The following DPP10 variants were observed in gnomAD, a reference collection of about 807,000 sequenced individuals.
DPP10 encodes inactive dipeptidyl peptidase 10.
A neutral mutation model predicts 120.9 loss-of-function variants in DPP10; 33 were observed. That is an observed-to-expected ratio of 0.27 (90% confidence interval 0.21 to 0.37). The LOEUF is 0.37. DPP10 is among the 10% of genes least tolerant of loss of function. DPP10 has a pLI of 1.00. For synonymous variants in DPP10, 337 were observed against 326.1 expected (o/e 1.03, Z -0.36); for missense variants, 816 against 942.8 (o/e 0.87, Z 1.76).
At chr2:115,642,243 G>A (rs548481124) in intron 5 of DPP10, among the ~76,000 whole-genome samples, 25 of 151,750 alleles carry the variant, frequency 1.6e-4, no homozygotes, top group African/African-American at 5.8e-4. Flanking sequence ...AGTTTTGCTA[G>A]CTACAGTGCC....
intron 1 of DPP10, among the ~76,000 whole-genome samples, chr2:115,261,812 A>G (rs990171099): frequency 1.3e-5 from 2 of 152,204 alleles, no homozygotes; most frequent in Admixed American, 6.5e-5. Flanking sequence ...GTTTAGTTAT[A>G]TTATTGCAAC....
intron 1 of DPP10, among the ~76,000 whole-genome samples, chr2:114,912,846 G>C (rs1319260432): frequency 6.6e-6 from 1 of 152,180 alleles, no homozygotes; most frequent in Non-Finnish European, 1.5e-5. Context: ...CCAGAGAGTT[G>C]ATGGAGACAG....
chr2:115,367,673 CTT>C (rs1471356121), intron 3 of DPP10, among the ~76,000 whole-genome samples: 1 of 151,978 alleles, frequency 6.6e-6, no homozygotes, highest in Non-Finnish European at 1.5e-5. Flanking sequence ...TCAAGGCAGT[CTT>C]TTGTTTCAGA....
At chr2:114,442,863 T>A in intron 1 of DPP10, 25 bp downstream of exon 1, 1 of 1,612,824 alleles carries the variant, frequency 6.2e-7, no homozygotes, top group South Asian at 1.1e-5. Context: ...TTCCCTCTGC[T>A]TCTGCACATG....
chr2:114,647,224 C>T (rs949902619), intron 1 of DPP10, among the ~76,000 whole-genome samples: 1 of 152,198 alleles, frequency 6.6e-6, no homozygotes, highest in African/African-American at 2.4e-5. Flanking sequence ...TTTCTATCTT[C>T]CCTTGTTATC....
intron 13 of DPP10, among the ~76,000 whole-genome samples, chr2:115,770,592 C>G (rs1681342777): frequency 6.6e-6 from 1 of 152,030 alleles, no homozygotes; most frequent in African/African-American, 2.4e-5. Context: ...TAGGTAAATA[C>G]AATTTATACA....
intron 1 of DPP10, among the ~76,000 whole-genome samples, chr2:115,269,399 G>C (rs991066214): frequency 2.0e-5 from 3 of 152,240 alleles, no homozygotes; most frequent in Admixed American, 6.5e-5. Flanking sequence ...TTATCTCACA[G>C]TTCCTTTGAC....
intron 3 of DPP10, among the ~76,000 whole-genome samples, chr2:115,485,318 A>G (rs2075707763): frequency 6.9e-6 from 1 of 144,778 alleles, no homozygotes; most frequent in African/African-American, 2.8e-5. Flanking sequence ...GAAAAACGAC[A>G]ACCTATTGCC....
In DPP10 at chr2:115,246,299, A is replaced by G. The variant is rs559602682; in HGVS notation, c.61-62940A>G. On this transcript the variant is annotated intron_variant, in intron 1 of 25. Coordinates refer to ENST00000410059, the MANE Select transcript of DPP10 (RefSeq NM_020868.6). ...ACGACAATAATGAAGCTCATTGAAA[A>G]TATCATTAGGGACACACATAATTTG... Among the ~76,000 whole-genome samples, 70 of 152,264 alleles carry G rather than the reference A, an allele frequency of 4.6e-4. 1 individual carries two copies. In the South Asian group the frequency reaches 0.012, roughly 26 times the overall value.
At chr2:115,065,438 T>C (rs1301798269) in intron 1 of DPP10, 1 of 152,196 alleles carries the variant, frequency 6.6e-6, no homozygotes. Flanking sequence ...CCTGGAGGAC[T>C]GCTACAACCA....
chr2:114,551,946 A>G (rs930854985), intron 1 of DPP10, among the ~76,000 whole-genome samples: 1 of 152,232 alleles, frequency 6.6e-6, no homozygotes, highest in African/African-American at 2.4e-5. Flanking sequence ...CCTGACGAGA[A>G]AAAGGCATGA....
intron 1 of DPP10, among the ~76,000 whole-genome samples, chr2:114,624,949 A>C (rs1694402031): frequency 6.6e-6 from 1 of 152,102 alleles, no homozygotes; most frequent in East Asian, 1.9e-4. Context: ...CTATTAATTC[A>C]TTTGTAAATA....
intron 1 of DPP10, among the ~76,000 whole-genome samples, chr2:115,195,602 AT>A (rs571158760): frequency 1.3e-5 from 2 of 152,124 alleles, no homozygotes; most frequent in Non-Finnish European, 2.9e-5. Context: ...TTATTATTAC[AT>A]TTTTTTGTAA....
At chr2:115,569,136 G>T (rs188339809) in intron 5 of DPP10, among the ~76,000 whole-genome samples, 5 of 152,256 alleles carry the variant, frequency 3.3e-5, no homozygotes, top group African/African-American at 1.2e-4. Flanking sequence ...GAAAAACCAC[G>T]TTACAGAGAG....
At chr2:114,457,627 G>A (rs1351764392) in intron 1 of DPP10, among the ~76,000 whole-genome samples, 2 of 152,218 alleles carry the variant, frequency 1.3e-5, no homozygotes, top group African/African-American at 2.4e-5. Context: ...GAATCTGGGC[G>A]GAGAGTTAGT....
intron 11 of DPP10, among the ~76,000 whole-genome samples, chr2:115,754,631 G>A (rs1420968033): frequency 1.3e-5 from 2 of 151,868 alleles, no homozygotes; most frequent in Non-Finnish European, 2.9e-5. Context: ...ATTTTTAAAG[G>A]GGAAATTACA....
At chr2:114,584,796 A>G (rs1690817117) in intron 1 of DPP10, among the ~76,000 whole-genome samples, 1 of 152,074 alleles carries the variant, frequency 6.6e-6, no homozygotes, top group Non-Finnish European at 1.5e-5. Context: ...AGAATGGTTC[A>G]CTTTTATGAG....
intron 1 of DPP10, among the ~76,000 whole-genome samples, chr2:115,112,867 A>T (rs1349240843): frequency 6.6e-6 from 1 of 152,122 alleles, no homozygotes. Context: ...TTTTCTCTTA[A>T]GTCTGTGCTG....
At chr2:115,213,830 C>T (rs1239151055) in intron 1 of DPP10, among the ~76,000 whole-genome samples, 1 of 152,066 alleles carries the variant, frequency 6.6e-6, no homozygotes, top group African/African-American at 2.4e-5. Context: ...AGTACTTAGA[C>T]TACTGTTATT....
Sources: gnomAD v4.1 joint callset for allele counts (sites outside exome capture counted in the v4.1 genomes callset) on GRCh38, gnomAD v4.1.1 for gene constraint, MANE v1.5 for transcripts, NCBI Gene and HGNC (gene_info 2026-07-23, HGNC 2026-07-21) for gene names.